GABBR2: variants seen among roughly 807,000 people sequenced by gnomAD.
GABBR2 encodes G-protein coupled receptor 51.
GABBR2 carries 23 observed loss-of-function variants against 105.6 expected under a neutral mutation model. That is an observed-to-expected ratio of 0.22 (90% CI 0.16 to 0.31). The LOEUF (loss-of-function observed/expected upper bound fraction) is 0.31, where lower values mean the gene tolerates loss of function less well. Among genes scored for constraint, GABBR2 ranks in the 10% least tolerant of loss-of-function variants. The pLI, the probability that GABBR2 is intolerant of heterozygous loss-of-function variation, is 1.00. For missense variants in GABBR2, 734 were observed against 1,245.5 expected (o/e 0.59, Z 6.18); for synonymous variants, 478 against 499.7 (o/e 0.96, Z 0.58).
At chr9:98,321,104 G>A (rs1249495015) in intron 13 of GABBR2, among the ~76,000 whole-genome samples, 1 of 152,134 alleles carries the variant, frequency 6.6e-6, no homozygotes, top group Non-Finnish European at 1.5e-5. Flanking sequence ...GAAAGGGCAG[G>A]AGTCTCCAGC....
intron 1 of GABBR2, among the ~76,000 whole-genome samples, chr9:98,630,726 G>A (rs1189895314): frequency 6.6e-6 from 1 of 152,168 alleles, no homozygotes; most frequent in African/African-American, 2.4e-5. Context: ...AGGAGTCAGT[G>A]TGAGAGGCCT....
At chr9:98,551,732 C>T (rs1010364213) in intron 2 of GABBR2, among the ~76,000 whole-genome samples, 1 of 152,148 alleles carries the variant, frequency 6.6e-6, no homozygotes, top group African/African-American at 2.4e-5. Flanking sequence ...CACCTGAATG[C>T]AGAGAGAAGT....
At chr9:98,569,443 G>A (rs1245228354) in intron 2 of GABBR2, among the ~76,000 whole-genome samples, 3 of 152,172 alleles carry the variant, frequency 2.0e-5, no homozygotes, top group African/African-American at 7.2e-5. Flanking sequence ...AAACTCCAAT[G>A]GCCGTAATCA....
Position 98,695,463 on chromosome 9 carries a change from G to A in GABBR2, c.321+12954C>T, listed in dbSNP as rs117160758. 3.2e-3 allele frequency among the ~76,000 whole-genome samples: 487 copies of A among 152,280 alleles called. 9 individuals carry two copies. In the East Asian group the frequency reaches 0.037, roughly 12 times the overall value. ...ACCTCAAATCCTTCCAGAAATGGAT[G>A]GGGCTTAAAAACACCCCTTAACTTA... On this transcript the variant is annotated intron_variant, in intron 1 of 18. Transcript: ENST00000259455.
At chr9:98,563,302 C>G (rs1828702615) in intron 2 of GABBR2, among the ~76,000 whole-genome samples, 1 of 152,152 alleles carries the variant, frequency 6.6e-6, no homozygotes, top group Non-Finnish European at 1.5e-5. Context: ...TAAGGTTCCC[C>G]CGGCAAACAA....
intron 13 of GABBR2, among the ~76,000 whole-genome samples, chr9:98,316,809 G>A (rs1294263914): frequency 6.6e-6 from 1 of 152,190 alleles, no homozygotes; most frequent in African/African-American, 2.4e-5. Flanking sequence ...ATCCAACAAG[G>A]TGTTATACTT....
At chr9:98,692,778 A>T (rs1035789438) in intron 1 of GABBR2, among the ~76,000 whole-genome samples, 2 of 152,220 alleles carry the variant, frequency 1.3e-5, no homozygotes, top group Non-Finnish European at 2.9e-5. Flanking sequence ...TAGTTGTTAA[A>T]ATAATACCAA....
rs1224931695 is a variant in GABBR2, at chr9:98,375,515, A to G, written c.1663-3944T>C. On this transcript the variant is annotated intron_variant, in intron 11 of 18. Coordinates refer to ENST00000259455, the MANE Select transcript of GABBR2 (RefSeq NM_005458.8). The stretch of plus-strand genomic sequence containing the variant: ...CCACCTTTAAATCTCTGGAGCCAAG[A>G]GGAGACAATCAGACTGGATGGGCCA... Among the ~76,000 whole-genome samples the G allele has an allele frequency of 2.6e-5, 4 of 152,216 alleles. No homozygotes were observed. The East Asian group carries it at 7.7e-4, about 29-fold the overall frequency.
intron 5 of GABBR2, 94 bp downstream of exon 5, chr9:98,480,838 A>T (rs1474723783): frequency 1.3e-6 from 1 of 779,418 alleles, no homozygotes; most frequent in East Asian, 2.5e-5. Flanking sequence ...CAGTCCTGTG[A>T]TCCCACTCAC....
intron 1 of GABBR2, among the ~76,000 whole-genome samples, chr9:98,602,770 T>C (rs1460894059): frequency 6.6e-6 from 1 of 152,202 alleles, no homozygotes; most frequent in Non-Finnish European, 1.5e-5. Context: ...GCTCGGTTTC[T>C]TTTTTTAGCA....
chr9:98,493,942 AATGAATAGAAGTCCAG>A (rs1342342428), intron 4 of GABBR2, among the ~76,000 whole-genome samples: 11 of 152,232 alleles, frequency 7.2e-5, no homozygotes, highest in Non-Finnish European at 1.5e-5. Context: ...CACCAGGTAA[AATGAATAGAAGTCCAG>A]ATATTGTTAG....
intron 11 of GABBR2, 98 bp from the exon 12 acceptor site, chr9:98,371,669 A>G (rs556545602): frequency 2.9e-6 from 2 of 695,414 alleles, no homozygotes; most frequent in Admixed American, 4.6e-5. Context: ...TATGATGGGG[A>G]CAAATACTCC....
chr9:98,562,564 CA>C (rs1200674766), intron 2 of GABBR2, among the ~76,000 whole-genome samples: 1 of 151,916 alleles, frequency 6.6e-6, no homozygotes, highest in Non-Finnish European at 1.5e-5. Flanking sequence ...CATGCTTCAA[CA>C]AAAAAATCAG....
chr9:98,649,959 C>T (rs1830082867), intron 1 of GABBR2, among the ~76,000 whole-genome samples: 1 of 152,112 alleles, frequency 6.6e-6, no homozygotes, highest in Admixed American at 6.5e-5. Flanking sequence ...ATAAAATATC[C>T]TGAAGTAATT....
At chr9:98,337,679 A>G (rs1185313087) in intron 13 of GABBR2, among the ~76,000 whole-genome samples, 1 of 152,224 alleles carries the variant, frequency 6.6e-6, no homozygotes, top group African/African-American at 2.4e-5. Flanking sequence ...ATACAAGTAC[A>G]CATCCATGGT....
intron 13 of GABBR2, among the ~76,000 whole-genome samples, chr9:98,323,798 G>A (rs1177365166): frequency 6.6e-6 from 1 of 152,228 alleles, no homozygotes; most frequent in African/African-American, 2.4e-5. Flanking sequence ...CTGGTTGGCT[G>A]TTCATGGTGA....
At chr9:98,392,370 T>G (rs1005814231) in intron 9 of GABBR2, among the ~76,000 whole-genome samples, 2 of 152,370 alleles carry the variant, frequency 1.3e-5, no homozygotes, top group East Asian at 3.9e-4. Flanking sequence ...CCCAGTCCGA[T>G]AGCAGACATG....
rs570002159 is a variant in GABBR2 at position 98,533,368 on chromosome 9, G to A, written c.630+8505C>T. Among the ~76,000 whole-genome samples, 127 of 152,268 alleles carry A rather than the reference G, an allele frequency of 8.3e-4. 1 individual carries two copies. The highest frequency in any genetic ancestry group is 3.8e-3 in the Admixed American group (58 of 15,304). On this transcript the variant is annotated intron_variant, in intron 3 of 18. Coordinates refer to ENST00000259455, the MANE Select transcript of GABBR2 (RefSeq NM_005458.8). ...GCCCGGGTGACTCAGGCAGGAGGCAGTCAAGAGAGGGAATGGACTCTTCAC... is the reference window on the plus strand; with the variant it reads ...GCCCGGGTGACTCAGGCAGGAGGCAATCAAGAGAGGGAATGGACTCTTCAC...
chr9:98,629,460 C>T (rs1271963977), intron 1 of GABBR2, among the ~76,000 whole-genome samples: 1 of 152,192 alleles, frequency 6.6e-6, no homozygotes, highest in African/African-American at 2.4e-5. Context: ...ATTATAAAAA[C>T]CAAGTCTGAA....
Sources: gnomAD v4.1 joint callset for allele counts (sites outside exome capture counted in the v4.1 genomes callset) on GRCh38, gnomAD v4.1.1 for gene constraint, MANE v1.5 for transcripts, NCBI Gene and HGNC (gene_info 2026-07-23, HGNC 2026-07-21) for gene names.